The following PTBP3 variants were observed in gnomAD, a reference collection of about 807,000 sequenced individuals.
PTBP3 encodes polypyrimidine tract-binding protein 3.
PTBP3 carries 20 observed loss-of-function variants against 58.7 expected under a neutral mutation model. The observed-to-expected ratio is 0.34, with a 90% CI of 0.24 to 0.50. The LOEUF (loss-of-function observed/expected upper bound fraction) is 0.50. Ranked by LOEUF, PTBP3 falls within the 20% of genes least tolerant of loss-of-function variation. PTBP3 has a pLI of 0.98. For missense variants in PTBP3, 509 were observed against 637.2 expected (o/e 0.80, Z 2.17); for synonymous variants, 185 against 219.8 (o/e 0.84, Z 1.40).
At chr9:112,311,404 T>TA (rs1373422098) in intron 1 of PTBP3, among the ~76,000 whole-genome samples, 1 of 152,078 alleles carries the variant, frequency 6.6e-6, no homozygotes, top group East Asian at 1.9e-4. Context: ...AGAGATGACT[T>TA]AAAGTATTCA....
At chr9:112,362,156 T>C in the PTBP3 span, among the ~76,000 whole-genome samples, 5 of 152,128 alleles carry the variant, frequency 3.3e-5, no homozygotes, top group Non-Finnish European at 7.3e-5. Flanking sequence ...CTAAGCAACA[T>C]GGCATGACCC....
intron 7 of PTBP3, among the ~76,000 whole-genome samples, chr9:112,240,395 T>C (rs1264910370): frequency 2.0e-5 from 3 of 152,164 alleles, no homozygotes; most frequent in Non-Finnish European, 4.4e-5. Context: ...CATATGATTA[T>C]AATGGAACTG....
downstream of PTBP3, chr9:112,218,242 C>T (rs965806983): frequency 2.0e-5 from 3 of 152,192 alleles, no homozygotes; most frequent in African/African-American, 7.2e-5. Context: ...AGAATTATTC[C>T]TAAATGAAGA....
Position 112,228,469 on chromosome 9 carries a change from ACTC to A in PTBP3, c.1055_1057del (p.Gly352del). 6.3e-7 allele frequency: 1 copy of A among 1,579,966 alleles called. No individual in the cohort carries two copies. The highest frequency in any genetic ancestry group is 8.6e-7 in the Non-Finnish European group (1 of 1,165,418). On this transcript the variant is annotated inframe_deletion and splice_region_variant, in exon 11 of 14. Coordinates refer to ENST00000374257, the MANE Select transcript of PTBP3 (RefSeq NM_001163788.4). ...CTTCACTCGATGTACATCACCATAG[ACTC>A]CTAATTAAAACAAAACAAAACACTG...
intron 9 of PTBP3, 107 bp downstream of exon 9, chr9:112,231,984 GAGAAGAGA>G (rs1564391547): frequency 1.3e-5 from 6 of 461,848 alleles, no homozygotes; most frequent in African/African-American, 7.2e-5. Context: ...GAGAAGAGAA[GAGAAGAGA>G]AGAGAAGAGA....
At chr9:112,336,320 T>A (rs988120704), upstream of PTBP3, among the ~76,000 whole-genome samples, 1 of 152,134 alleles carries the variant, frequency 6.6e-6, no homozygotes, top group African/African-American at 2.4e-5. Context: ...GAGGAATAGA[T>A]CCCTAGAAGT....
chr9:112,333,094 G>C, intron 1 of PTBP3: 1 of 1,265,750 alleles, frequency 7.9e-7, no homozygotes, highest in Non-Finnish European at 9.9e-7. Flanking sequence ...CTCCCCCAGC[G>C]CCGCGCACCA....
chr9:112,228,325 C>A, intron 11 of PTBP3, 55 bp downstream of exon 11: 1 of 1,311,040 alleles, frequency 7.6e-7, no homozygotes, highest in East Asian at 2.5e-5. Flanking sequence ...AAGGAAAATT[C>A]ACACACAAAA....
the PTBP3 span, chr9:112,379,804 G>A: frequency 4.6e-6 from 2 of 436,938 alleles, no homozygotes; most frequent in South Asian, 5.0e-5. Context: ...CCTAGAGACA[G>A]GGAAAAGGTG....
At chr9:112,315,834 C>G (rs930553871) in intron 1 of PTBP3, among the ~76,000 whole-genome samples, 1 of 152,224 alleles carries the variant, frequency 6.6e-6, no homozygotes, top group Non-Finnish European at 1.5e-5. Flanking sequence ...TCTAACAGTT[C>G]CTTGTCTTTC....
the PTBP3 span, among the ~76,000 whole-genome samples, chr9:112,355,128 A>C: frequency 1.3e-3 from 201 of 152,326 alleles, 2 homozygotes; most frequent in South Asian, 0.04. Flanking sequence ...TTTAAATCAA[A>C]TGAATAATTC....
chr9:112,230,963 T>TGTAGACAATAATAAAATAGCAA (rs547407546), intron 10 of PTBP3, among the ~76,000 whole-genome samples: 3 of 151,280 alleles, frequency 2.0e-5, no homozygotes, highest in African/African-American at 7.4e-5. Flanking sequence ...ATTTTGACCC[T>TGTAGACAATAATAAAATAGCAA]ACGCAGCTGT....
chr9:112,295,601 TAAAAA>T (rs35276003), intron 2 of PTBP3, among the ~76,000 whole-genome samples: 1 of 92,524 alleles, frequency 1.1e-5, no homozygotes, highest in African/African-American at 4.3e-5. Context: ...GTTCTGTTGG[TAAAAA>T]AAAAAAAAAA....
chr9:112,308,020 T>C lies in PTBP3; in HGVS notation c.-51-10104A>G, dbSNP rs1315475863. Among the ~76,000 whole-genome samples the C allele has an allele frequency of 5.3e-5, 8 of 152,320 alleles. No individual in the cohort carries two copies. In the East Asian group the frequency reaches 1.5e-3, roughly 29 times the overall value. ...TTTATGTGTGGCATAAGACAATTCTTCTTCCAGTATGGCCCAGGGAAGCCC... is the reference window on the plus strand; with the variant it reads ...TTTATGTGTGGCATAAGACAATTCTCCTTCCAGTATGGCCCAGGGAAGCCC... On this transcript the variant is annotated intron_variant, in intron 1 of 13. Transcript: ENST00000374257.
upstream of PTBP3, among the ~76,000 whole-genome samples, chr9:112,337,783 C>T (rs1168001260): frequency 6.6e-6 from 1 of 152,204 alleles, no homozygotes; most frequent in African/African-American, 2.4e-5. Context: ...AACATGTAAC[C>T]TTTGAACACT....
the PTBP3 span, chr9:112,379,845 GGCGCCGA>G: frequency 1.9e-6 from 1 of 514,774 alleles, no homozygotes. Flanking sequence ...CCAGACGCTA[GGCGCCGA>G]CAGGAGCCTG....
intron 7 of PTBP3, among the ~76,000 whole-genome samples, chr9:112,247,594 T>C (rs1309669084): frequency 1.3e-5 from 2 of 151,172 alleles, no homozygotes; most frequent in East Asian, 3.9e-4. Flanking sequence ...GTTGTTCACC[T>C]ACAGTCTAGC....
In PTBP3 at chr9:112,221,684, T is replaced by C. The variant is rs1297063572; in HGVS notation, c.*2167A>G. The C allele has an allele frequency of 1.0e-6, 1 of 985,258 alleles. No homozygotes were observed. Among genetic ancestry groups the C allele is most frequent in the Non-Finnish European group, 1.2e-6 (1 of 829,782 alleles). 61.0% of individuals were successfully genotyped at this position (985,258 alleles called of 1,614,324 possible). A position where few individuals can be genotyped will look rare whatever the true frequency, so the allele number is the denominator to read the frequency against. ...ACTCCCACAACTACATACATGAGTA[T>C]ATCTATCTATTCAGCCAAACTGATC... On this transcript the variant is annotated 3_prime_UTR_variant, in exon 14 of 14. Coordinates refer to ENST00000374257, the MANE Select transcript of PTBP3 (RefSeq NM_001163788.4).
intron 9 of PTBP3, 41 bp downstream of exon 9, chr9:112,232,058 T>C (rs1237287038): frequency 7.2e-7 from 1 of 1,383,580 alleles, no homozygotes; most frequent in East Asian, 2.4e-5. Flanking sequence ...TACTATACCT[T>C]CTCCTGAAAG....
Sources: gnomAD v4.1 joint callset for allele counts (sites outside exome capture counted in the v4.1 genomes callset) on GRCh38, gnomAD v4.1.1 for gene constraint, MANE v1.5 for transcripts, NCBI Gene and HGNC (gene_info 2026-07-23, HGNC 2026-07-21) for gene names.